Variants in ADGRL3 observed in about 807,000 individuals in gnomAD.
The protein encoded by ADGRL3 is calcium-independent alpha-latrotoxin receptor 3.
ADGRL3 carries 62 observed loss-of-function variants against 153.5 expected under a neutral mutation model. The observed-to-expected ratio is 0.40, with a 90% CI of 0.33 to 0.50. ADGRL3 has a LOEUF of 0.50. ADGRL3 is among the 20% of genes least tolerant of loss of function. The pLI, the probability that ADGRL3 is intolerant of heterozygous loss-of-function variation, is 0.47. For missense variants in ADGRL3, 1,641 were observed against 1,859.4 expected, an observed-to-expected ratio of 0.88 and a Z score of 2.16; for synonymous variants, 710 against 672.5, an observed-to-expected ratio of 1.06 and a Z score of -0.86.
At chr4:61,689,068 G>A (rs191323672) in intron 6 of ADGRL3, among the ~76,000 whole-genome samples, 22 of 152,196 alleles carry the variant, frequency 1.4e-4, no homozygotes, top group Non-Finnish European at 1.6e-4. Flanking sequence ...CTGAATCTAC[G>A]CTGAGCTCAC....
chr4:61,596,044 G>T (rs540253493), intron 5 of ADGRL3, among the ~76,000 whole-genome samples: 4 of 152,264 alleles, frequency 2.6e-5, no homozygotes, highest in African/African-American at 9.6e-5. Context: ...GGGGAGGGGT[G>T]TCAATGGTGA....
chr4:61,744,459 AC>A lies in ADGRL3; in HGVS notation c.1399+10911del, dbSNP rs910988088. Among the ~76,000 whole-genome samples the A allele has an allele frequency of 1.1e-4, 16 of 151,832 alleles. 1 individual carries two copies. The highest frequency in any genetic ancestry group is 3.4e-3 in the Middle Eastern group (1 of 292). The stretch of plus-strand genomic sequence containing the variant: ...CCCCCGAGCAGCCTAACTGGGAGGC[AC>A]CCCCCAGTAGGGGCAGACTGACACC... On this transcript the variant is annotated intron_variant, in intron 8 of 26. Transcript: ENST00000683033.
intron 9 of ADGRL3, among the ~76,000 whole-genome samples, chr4:61,851,433 T>A (rs1482535731): frequency 6.6e-6 from 1 of 151,180 alleles, no homozygotes; most frequent in Non-Finnish European, 1.5e-5. Flanking sequence ...TACAAAAAAA[T>A]TAAAAATCAG....
intron 4 of ADGRL3, among the ~76,000 whole-genome samples, chr4:61,564,837 A>G (rs2098810014): frequency 6.6e-6 from 1 of 152,176 alleles, no homozygotes; most frequent in Admixed American, 6.5e-5. Context: ...CTCTGGGAAT[A>G]GGGAGGCCCA....
chr4:61,392,804 A>C (rs2152035202), intron 2 of ADGRL3, among the ~76,000 whole-genome samples: 1 of 151,736 alleles, frequency 6.6e-6, no homozygotes, highest in Middle Eastern at 3.4e-3. Flanking sequence ...AAAACCTCTC[A>C]GATTAAATAC....
intron 8 of ADGRL3, among the ~76,000 whole-genome samples, chr4:61,813,539 T>G (rs2097654069): frequency 6.6e-6 from 1 of 152,194 alleles, no homozygotes; most frequent in Non-Finnish European, 1.5e-5. Flanking sequence ...TCATTTTTAT[T>G]GTGTTTTTAA....
At chr4:61,261,087 C>T (rs1053568384) in intron 1 of ADGRL3, among the ~76,000 whole-genome samples, 2 of 152,052 alleles carry the variant, frequency 1.3e-5, no homozygotes, top group Admixed American at 1.3e-4. Flanking sequence ...ACCTCAATCT[C>T]CAGGGCTGAA....
intron 17 of ADGRL3, among the ~76,000 whole-genome samples, chr4:61,967,924 C>G (rs1254532664): frequency 6.6e-6 from 1 of 152,042 alleles, no homozygotes; most frequent in Non-Finnish European, 1.5e-5. Flanking sequence ...GAGCACACCA[C>G]CAGAATCTGG....
At chr4:61,571,790 G>A (rs931500073) in intron 4 of ADGRL3, among the ~76,000 whole-genome samples, 1 of 152,132 alleles carries the variant, frequency 6.6e-6, no homozygotes, top group Admixed American at 6.6e-5. Context: ...ATTCCAATGA[G>A]AGAAATTCAA....
At chr4:61,749,723 G>A (rs2096727120) in intron 8 of ADGRL3, among the ~76,000 whole-genome samples, 1 of 151,844 alleles carries the variant, frequency 6.6e-6, no homozygotes, top group African/African-American at 2.4e-5. Flanking sequence ...GTGGGGGGTG[G>A]AGGGAGGGAT....
At chr4:62,055,001 C>G (rs940285789) in intron 25 of ADGRL3, among the ~76,000 whole-genome samples, 9 of 151,720 alleles carry the variant, frequency 5.9e-5, no homozygotes, top group African/African-American at 2.2e-4. Context: ...AATAAGTGCA[C>G]TGTTCATGGG....
chr4:61,365,564 G>A (rs1030422636), intron 1 of ADGRL3, among the ~76,000 whole-genome samples: 16 of 152,250 alleles, frequency 1.1e-4, no homozygotes, highest in Admixed American at 5.9e-4. Context: ...TGGATACTAG[G>A]AAGTCTCATC....
At chr4:61,290,312 A>G (rs60061647) in intron 1 of ADGRL3, among the ~76,000 whole-genome samples, 111 of 152,224 alleles carry the variant, frequency 7.3e-4, no homozygotes, top group African/African-American at 2.6e-3. Context: ...TTATCAGAAC[A>G]TATGGTTAGG....
At chr4:61,302,993 A>G (rs1505658) in intron 1 of ADGRL3, among the ~76,000 whole-genome samples, 3,216 of 152,326 alleles carry the variant, frequency 0.021, 111 homozygotes, top group African/African-American at 0.07. Context: ...TTCCAAAAAA[A>G]TGAAATCCAT....
rs1397297584 is a variant in ADGRL3, at chr4:62,012,033, TTTTATGTGAAA to T, written c.3395+13769_3395+13779del. ...TGATTATATGTATTAATATATATAATTTTATGTGAAAATTGACCAAAATTTGCTGACTTAAA... is the reference window on the plus strand; with the variant it reads ...TGATTATATGTATTAATATATATAATATTGACCAAAATTTGCTGACTTAAA... On this transcript the variant is annotated intron_variant, in intron 21 of 26. Coordinates refer to ENST00000683033, the MANE Select transcript of ADGRL3 (RefSeq NM_001387552.1). Among the ~76,000 whole-genome samples, 3 of 152,254 alleles carry T rather than the reference TTTTATGTGAAA, an allele frequency of 2.0e-5. No individual in the cohort carries two copies. In the East Asian group the frequency reaches 5.8e-4, roughly 29 times the overall value.
chr4:61,777,273 C>A (rs1369071514), intron 8 of ADGRL3, among the ~76,000 whole-genome samples: 1 of 151,746 alleles, frequency 6.6e-6, no homozygotes, highest in Non-Finnish European at 1.5e-5. Context: ...GCGGAGCTTT[C>A]AGTGAGCAGA....
chr4:61,486,372 C>T (rs1489698536), intron 2 of ADGRL3, among the ~76,000 whole-genome samples: 4 of 152,112 alleles, frequency 2.6e-5, no homozygotes, highest in African/African-American at 7.2e-5. Flanking sequence ...TTATAACACA[C>T]ATTGTCACTA....
At chr4:61,861,979 C>G (rs1470325802) in intron 9 of ADGRL3, among the ~76,000 whole-genome samples, 1 of 152,090 alleles carries the variant, frequency 6.6e-6, no homozygotes, top group Non-Finnish European at 1.5e-5. Flanking sequence ...AGCAAATGTT[C>G]CAAGAAATAG....
At chr4:62,017,954 G>T (rs1364530100) in intron 21 of ADGRL3, among the ~76,000 whole-genome samples, 1 of 151,998 alleles carries the variant, frequency 6.6e-6, no homozygotes, top group Non-Finnish European at 1.5e-5. Flanking sequence ...CGTGATCTTG[G>T]CTCACTGCAA....
Sources: allele counts gnomAD v4.1 joint callset (sites outside exome capture counted in the v4.1 genomes callset), GRCh38; gene constraint gnomAD v4.1.1; transcripts MANE v1.5; gene names NCBI Gene and HGNC (gene_info 2026-07-23, HGNC 2026-07-21).